The following KDM3B variants were observed in gnomAD, a reference collection of about 807,000 sequenced individuals.
KDM3B encodes lysine-specific demethylase 3B.
Under a neutral mutation model 170.0 loss-of-function variants are expected in KDM3B, and 10 were observed. That is an observed-to-expected ratio of 0.06 (90% CI 0.04 to 0.10). The LOEUF (loss-of-function observed/expected upper bound fraction) is 0.10. Ranked by LOEUF, KDM3B falls within the 10% of genes least tolerant of loss-of-function variation. The probability of loss-of-function intolerance (pLI) is 1.00; values close to 1 mark genes in which losing one functional copy is unlikely to be tolerated. For synonymous variants in KDM3B, 831 were observed against 834.8 expected, an observed-to-expected ratio of 1.00 and a Z score of 0.08; for missense variants, 1,394 against 2,195.2, an observed-to-expected ratio of 0.64 and a Z score of 7.29.
chr5:138,411,425 A>G lies in KDM3B; in HGVS notation c.3200-3707A>G, dbSNP rs192501483. On this transcript the variant is annotated intron_variant, in intron 11 of 23. Coordinates refer to ENST00000314358, the MANE Select transcript of KDM3B (RefSeq NM_016604.4). ...ATCATATCTAAGATCTATATCTGGT[A>G]TAACTATTCTTGTTTTATATTTATT... Among the ~76,000 whole-genome samples the G allele has an allele frequency of 2.6e-3, 391 of 152,330 alleles. 2 individuals carry two copies. Among genetic ancestry groups the G allele is most frequent in the Non-Finnish European group, 4.0e-3 (275 of 68,026 alleles).
chr5:138,365,707 C>A (rs1761727508), intron 1 of KDM3B, among the ~76,000 whole-genome samples: 1 of 151,564 alleles, frequency 6.6e-6, no homozygotes, highest in African/African-American at 2.4e-5. Context: ...ATTATAAATA[C>A]ATTATTTTAG....
chr5:138,388,701 A>G (rs567224182), intron 7 of KDM3B, among the ~76,000 whole-genome samples: 1 of 149,710 alleles, frequency 6.7e-6, no homozygotes, highest in East Asian at 2.0e-4. Context: ...AATCCTAGCT[A>G]CCCAGGAGGC....
chr5:138,430,511 G>C, intron 22 of KDM3B, 86 bp downstream of exon 22: 1 of 1,244,248 alleles, frequency 8.0e-7, no homozygotes. Flanking sequence ...AGAGATTTAA[G>C]TAGCTGGATT....
chr5:138,433,388 C>T (rs372405041), intron 23 of KDM3B, among the ~76,000 whole-genome samples: 21 of 150,652 alleles, frequency 1.4e-4, no homozygotes, highest in African/African-American at 4.9e-4. Context: ...GCTGGGATTA[C>T]GGATGTGAGC....
chr5:138,391,398 T>G lies in KDM3B; in HGVS notation c.1766T>G (p.Val589Gly). Residue 589 changes from valine (V) to glycine (G), a missense_variant, in exon 8 of 24, where the codon GTG becomes GGG. Transcript: ENST00000314358. This position sits in a 1 kb window ranked among gnomAD's most constrained non-coding sequence, Gnocchi z 5.0. ...CCAGGCTCTAAGGCTGGCAGCTCTGTGGACCGGAAAGTGCCTGCAGAGTCC... is the reference window on the plus strand; with the variant it reads ...CCAGGCTCTAAGGCTGGCAGCTCTGGGGACCGGAAAGTGCCTGCAGAGTCC... ...TKPGSKAGSS[V>G]DRKVPAESMP... 6 of 1,613,728 alleles carry G rather than the reference T, an allele frequency of 3.7e-6. No homozygotes were observed. Among genetic ancestry groups the G allele is most frequent in the Non-Finnish European group, 5.1e-6 (6 of 1,179,756 alleles).
intron 2 of KDM3B, 55 bp from the exon 3 acceptor site, chr5:138,375,038 T>C: frequency 1.1e-6 from 1 of 890,074 alleles, no homozygotes; most frequent in South Asian, 1.3e-5. Flanking sequence ...TTTGTTTGAA[T>C]TGCTGTTTTT....
At chr5:138,384,740 CAAAAAAAAAAAA>C (rs58389517) in intron 6 of KDM3B, among the ~76,000 whole-genome samples, 21 of 85,952 alleles carry the variant, frequency 2.4e-4, no homozygotes, top group Admixed American at 4.6e-4. Context: ...ACTCTTGTCT[CAAAAAAAAAAAA>C]AAAAAAAAAA....
chr5:138,363,564 T>G (rs1310972608), intron 1 of KDM3B, among the ~76,000 whole-genome samples: 1 of 152,234 alleles, frequency 6.6e-6, no homozygotes, highest in African/African-American at 2.4e-5. Flanking sequence ...TTTTCTTTTT[T>G]GAGACGGAGT....
intron 7 of KDM3B, among the ~76,000 whole-genome samples, chr5:138,388,771 C>A (rs1201633386): frequency 6.6e-6 from 1 of 152,098 alleles, no homozygotes; most frequent in Non-Finnish European, 1.5e-5. Flanking sequence ...AAGATTGCGC[C>A]ACTGCACTCC....
At position 138,385,010 on chromosome 5, in the gene KDM3B, G is replaced by T. The variant is rs189719579; in HGVS notation, c.781-1012G>T. ...AGTTAATCTTGAGCTTTGCATAACAGTTTTTTGTTTTGTTTTGTTTTGTTT... is the reference window on the plus strand; with the variant it reads ...AGTTAATCTTGAGCTTTGCATAACATTTTTTTGTTTTGTTTTGTTTTGTTT... On this transcript the variant is annotated intron_variant, in intron 6 of 23. Coordinates refer to ENST00000314358, the MANE Select transcript of KDM3B (RefSeq NM_016604.4). 4.0e-4 allele frequency among the ~76,000 whole-genome samples: 61 copies of T among 151,786 alleles called. 1 individual carries two copies. Among genetic ancestry groups the T allele is most frequent in the African/African-American group, 1.5e-3 (61 of 41,422 alleles).
chr5:138,420,309 A>G (rs1308204505), intron 14 of KDM3B, among the ~76,000 whole-genome samples: 8 of 152,236 alleles, frequency 5.3e-5, no homozygotes, highest in African/African-American at 1.9e-4. Context: ...TTAAAAATGC[A>G]GATTCCTGTG....
chr5:138,375,716 G>A lies in KDM3B; in HGVS notation c.474+510G>A, dbSNP rs141304473. ...TGAGACAGAGAGTTTTGCTCTTGTT[G>A]CCCAGGCTGGAGTGCAATGGTGTGA... On this transcript the variant is annotated intron_variant, in intron 3 of 23. Transcript: ENST00000314358. Among the ~76,000 whole-genome samples the A allele has an allele frequency of 7.2e-4, 107 of 149,162 alleles. No homozygotes were observed. In the East Asian group the frequency reaches 0.021, roughly 30 times the overall value.
intron 9 of KDM3B, among the ~76,000 whole-genome samples, chr5:138,395,933 TAAA>T (rs2126956640): frequency 6.6e-6 from 1 of 152,014 alleles, no homozygotes; most frequent in East Asian, 1.9e-4. Flanking sequence ...CAATTTTTAA[TAAA>T]AAAGTAAAAA....
intron 7 of KDM3B, among the ~76,000 whole-genome samples, chr5:138,388,738 G>A (rs1762349448): frequency 1.3e-5 from 2 of 152,066 alleles, no homozygotes; most frequent in Non-Finnish European, 1.5e-5. Context: ...CTTGAACCTG[G>A]GAGGCGGAGA....
chr5:138,382,784 G>A (rs1460822994), intron 6 of KDM3B, among the ~76,000 whole-genome samples: 1 of 152,198 alleles, frequency 6.6e-6, no homozygotes, highest in East Asian at 1.9e-4. Flanking sequence ...CACCTGGCCA[G>A]GGTTAAATTT....
intron 6 of KDM3B, 101 bp from the exon 7 acceptor site, chr5:138,385,921 T>C: frequency 7.2e-7 from 1 of 1,390,102 alleles, no homozygotes; most frequent in Non-Finnish European, 9.8e-7. Flanking sequence ...TGGCAGTCTA[T>C]GCCTGCTTTG....
chr5:138,362,702 A>G (rs1761644455), intron 1 of KDM3B, among the ~76,000 whole-genome samples: 1 of 148,984 alleles, frequency 6.7e-6, no homozygotes, highest in South Asian at 2.1e-4. Flanking sequence ...TAATTTTATT[A>G]TATAATTTTT....
intron 3 of KDM3B, among the ~76,000 whole-genome samples, chr5:138,375,551 T>G (rs966609562): frequency 3.3e-5 from 5 of 151,846 alleles, no homozygotes; most frequent in African/African-American, 1.2e-4. Context: ...CTTATTTTTT[T>G]GTATTTTTGG....
At chr5:138,413,663 T>C (rs1763032480) in intron 11 of KDM3B, among the ~76,000 whole-genome samples, 1 of 152,190 alleles carries the variant, frequency 6.6e-6, no homozygotes, top group Admixed American at 6.5e-5. Flanking sequence ...AGACAGGGTC[T>C]CTTTCTGTTG....
Sources: gnomAD v4.1 joint callset for allele counts (sites outside exome capture counted in the v4.1 genomes callset) on GRCh38, gnomAD v4.1.1 for gene constraint, Gnocchi (gnomAD v3.1) non-coding constraint, MANE v1.5 for transcripts, NCBI Gene and HGNC (gene_info 2026-07-23, HGNC 2026-07-21) for gene names.